Variants in NBEA observed in about 807,000 individuals in gnomAD.
NBEA encodes neurobeachin.
NBEA carries 44 observed loss-of-function variants against 343.4 expected under a neutral mutation model. The ratio of observed to expected loss-of-function variants is 0.13; its 90% CI spans 0.10 to 0.16. NBEA has a LOEUF of 0.16. Among genes scored for constraint, NBEA ranks in the 10% least tolerant of loss-of-function variants. NBEA has a pLI of 1.00. For missense variants in NBEA, 2,555 were observed against 3,631.3 expected, an observed-to-expected ratio of 0.70 and a Z score of 7.62; for synonymous variants, 1,175 against 1,238.7, an observed-to-expected ratio of 0.95 and a Z score of 1.08.
At chr13:35,254,963 A>G (rs1448963318) in intron 34 of NBEA, among the ~76,000 whole-genome samples, 1 of 152,152 alleles carries the variant, frequency 6.6e-6, no homozygotes, top group Non-Finnish European at 1.5e-5. Flanking sequence ...TATAAATAAC[A>G]ATTTAATGGG....
chr13:35,242,655 A>T (rs74048956), intron 34 of NBEA, among the ~76,000 whole-genome samples: 6,802 of 151,964 alleles, frequency 0.045, 178 homozygotes, highest in South Asian at 0.079. Flanking sequence ...AAAATTGTAC[A>T]TGTACAATGA....
chr13:35,556,582 T>C (rs934714430), intron 44 of NBEA, among the ~76,000 whole-genome samples: 35 of 152,242 alleles, frequency 2.3e-4, no homozygotes, highest in Non-Finnish European at 2.4e-4. Flanking sequence ...TGCTCAGTGC[T>C]CTTGTGATTT....
intron 39 of NBEA, 63 bp downstream of exon 39, chr13:35,432,456 G>A: frequency 1.4e-6 from 2 of 1,413,870 alleles, no homozygotes; most frequent in African/African-American, 1.5e-5. Flanking sequence ...TTGTGTTTGA[G>A]AATTCCTTCT....
intron 38 of NBEA, among the ~76,000 whole-genome samples, chr13:35,355,502 G>A (rs1367329857): frequency 1.3e-5 from 2 of 152,132 alleles, no homozygotes; most frequent in South Asian, 2.1e-4. Flanking sequence ...GCCACATGTG[G>A]CTGGTGGCTA....
chr13:35,212,837 C>T (rs1455080659), intron 33 of NBEA, among the ~76,000 whole-genome samples: 2 of 151,912 alleles, frequency 1.3e-5, no homozygotes, highest in Non-Finnish European at 2.9e-5. Flanking sequence ...TTTGATTTGC[C>T]TGTTGAAGTC....
At chr13:35,286,327 A>G (rs1307940863) in intron 34 of NBEA, among the ~76,000 whole-genome samples, 1 of 152,132 alleles carries the variant, frequency 6.6e-6, no homozygotes, top group Admixed American at 6.6e-5. Context: ...TGATTTATAG[A>G]TTTATTGATT....
chr13:35,558,759 C>G (rs1450664966), intron 44 of NBEA, among the ~76,000 whole-genome samples: 1 of 152,032 alleles, frequency 6.6e-6, no homozygotes, highest in Admixed American at 6.6e-5. Context: ...ATTGCATTAG[C>G]CATTTAAGAC....
In NBEA at chr13:35,425,421, G is replaced by A. The variant is rs565015094; in HGVS notation, c.6180-6848G>A. On this transcript the variant is annotated intron_variant, in intron 38 of 58. Coordinates refer to ENST00000379939, the MANE Select transcript of NBEA (RefSeq NM_001385012.1). ...TGTTATGTACCCAGTAGTCATTCAGGAGCAGGTTGTTCAGTTTCCATGTAG... is the reference window on the plus strand; with the variant it reads ...TGTTATGTACCCAGTAGTCATTCAGAAGCAGGTTGTTCAGTTTCCATGTAG... Among the ~76,000 whole-genome samples the A allele has an allele frequency of 4.3e-4, 65 of 152,238 alleles. 1 individual carries two copies. The South Asian group carries it at 0.013, about 31-fold the overall frequency.
At chr13:35,394,973 A>G (rs1007120905) in intron 38 of NBEA, among the ~76,000 whole-genome samples, 8 of 152,108 alleles carry the variant, frequency 5.3e-5, no homozygotes, top group African/African-American at 1.7e-4. Flanking sequence ...TTGAGTTTCA[A>G]ATGCTTCCTA....
intron 38 of NBEA, among the ~76,000 whole-genome samples, chr13:35,422,171 C>A (rs1463585942): frequency 7.0e-6 from 1 of 142,474 alleles, no homozygotes; most frequent in Non-Finnish European, 1.5e-5. Flanking sequence ...ATTATACTTT[C>A]AGTTTTAGGG....
At chr13:35,485,377 AC>A in intron 41 of NBEA, among the ~76,000 whole-genome samples, 1 of 152,136 alleles carries the variant, frequency 6.6e-6, no homozygotes, top group South Asian at 2.1e-4. Context: ...GGTACTGAAA[AC>A]AATTCTACCT....
At chr13:35,533,344 G>A (rs1040714349) in intron 41 of NBEA, among the ~76,000 whole-genome samples, 2 of 151,704 alleles carry the variant, frequency 1.3e-5, no homozygotes, top group Non-Finnish European at 2.9e-5. Context: ...CTGTGGGAGG[G>A]GATTATTGAT....
chr13:35,180,012 T>C (rs1472621644), intron 28 of NBEA, among the ~76,000 whole-genome samples: 1 of 151,790 alleles, frequency 6.6e-6, no homozygotes, highest in Non-Finnish European at 1.5e-5. Context: ...ACAGATTTTG[T>C]GTATTTTGGT....
intron 34 of NBEA, among the ~76,000 whole-genome samples, chr13:35,243,637 T>C (rs2152780239): frequency 6.6e-6 from 1 of 152,052 alleles, no homozygotes; most frequent in Admixed American, 6.5e-5. Flanking sequence ...AAATAAGCTT[T>C]TGAAACTGTT....
chr13:35,604,990 T>C (rs2082227032), intron 47 of NBEA, among the ~76,000 whole-genome samples: 1 of 152,238 alleles, frequency 6.6e-6, no homozygotes, highest in Admixed American at 6.5e-5. Flanking sequence ...AGACTATGAA[T>C]TACTTGACAG....
chr13:35,281,313 T>A (rs1047770791), intron 34 of NBEA, among the ~76,000 whole-genome samples: 4 of 152,176 alleles, frequency 2.6e-5, no homozygotes, highest in Non-Finnish European at 4.4e-5. Flanking sequence ...ATCTCTAATT[T>A]TTTTCTTAAA....
intron 1 of NBEA, among the ~76,000 whole-genome samples, chr13:34,985,284 C>A (rs2060504863): frequency 6.6e-6 from 1 of 150,952 alleles, no homozygotes; most frequent in African/African-American, 2.4e-5. Context: ...TTTTCTACGT[C>A]TGTTGAGATA....
intron 40 of NBEA, among the ~76,000 whole-genome samples, chr13:35,468,504 T>C (rs940338739): frequency 1.3e-5 from 2 of 152,202 alleles, no homozygotes; most frequent in Non-Finnish European, 2.9e-5. Flanking sequence ...TAAGATTGAT[T>C]GAAATACTTA....
At chr13:35,251,728 G>C (rs953096072) in intron 34 of NBEA, 36 of 293,850 alleles carry the variant, frequency 1.2e-4, no homozygotes, top group Non-Finnish European at 2.0e-4. Flanking sequence ...ATGACTACCC[G>C]ATGGAGCTGT....
Sources: allele counts gnomAD v4.1 joint callset (sites outside exome capture counted in the v4.1 genomes callset), GRCh38; gene constraint gnomAD v4.1.1; transcripts MANE v1.5; gene names NCBI Gene and HGNC (gene_info 2026-07-23, HGNC 2026-07-21).